Variants in ZCCHC2 observed in about 807,000 individuals in gnomAD.
ZCCHC2 encodes zinc finger CCHC domain-containing protein 2.
Under a neutral mutation model 103.6 loss-of-function variants are expected in ZCCHC2, and 39 were observed. That is an observed-to-expected ratio of 0.38 (90% CI 0.29 to 0.49). The LOEUF is 0.49. ZCCHC2 is among the 20% of genes least tolerant of loss of function. ZCCHC2 has a pLI of 0.96. For missense variants in ZCCHC2, 1,483 were observed against 1,491.0 expected (o/e 0.99, Z 0.09); for synonymous variants, 687 against 608.9 (o/e 1.13, Z -1.89).
chr18:62,542,344 CT>C (rs751599892), intron 2 of ZCCHC2, among the ~76,000 whole-genome samples, 153 bp from the exon 3 acceptor site: 3 of 150,928 alleles, frequency 2.0e-5, no homozygotes, highest in Non-Finnish European at 3.0e-5. Flanking sequence ...TTTTTGTCTT[CT>C]TTTTTTTTAT....
Position 62,524,133 on chromosome 18 carries a change from G to A in ZCCHC2, c.709G>A (p.Gly237Ser). 1 of 1,541,900 alleles carries A rather than the reference G, an allele frequency of 6.5e-7. No homozygotes were observed. The highest frequency in any genetic ancestry group is 8.7e-7 in the Non-Finnish European group (1 of 1,145,474). The change falls in exon 1 of 14, where the codon GGC becomes AGC. Residue 237 changes from glycine (G) to serine (S), a missense_variant. This residue lies in a region of ZCCHC2 where 568 missense variants were observed against 525.1 expected (regional missense o/e 1.08). Transcript: ENST00000269499. ...GCAGGACGCCGAGAAGGACGGCTCA[G>A]GCCCGGAAGGCGGCATTGTGGAGCC... Reference protein sequence around the residue: ...GEQDAEKDGSGPEGGIVEPRV... With the variant: ...GEQDAEKDGSSPEGGIVEPRV...
At position 62,574,796 on chromosome 18, in the gene ZCCHC2, T is replaced by TGGCTTCTCAGCTGCTCAGCCACC; in HGVS notation, c.2718_2719insTTCTCAGCTGCTCAGCCACCGGC (p.Leu907PhefsTer78). 1.2e-6 allele frequency: 2 copies of TGGCTTCTCAGCTGCTCAGCCACC among 1,614,000 alleles called. No individual in the cohort carries two copies. The highest frequency in any genetic ancestry group is 1.7e-6 in the Non-Finnish European group (2 of 1,179,890). On this transcript the variant is annotated frameshift_variant, in exon 13 of 14. Transcript: ENST00000269499. LOFTEE classifies it high-confidence loss of function. ...ATGTGAAGGTAGTTCTTCCAGCAGCTGGCCTCTCAGCTGCTCAGCCACCAG... is the reference window on the plus strand; with the variant it reads ...ATGTGAAGGTAGTTCTTCCAGCAGCTGGCTTCTCAGCTGCTCAGCCACCGGCCTCTCAGCTGCTCAGCCACCAG...
At chr18:62,524,679 T>C (rs1914273412) in intron 1 of ZCCHC2, 2 of 368,946 alleles carry the variant, frequency 5.4e-6, no homozygotes, top group Non-Finnish European at 9.7e-6. Context: ...GGAGGAAAAG[T>C]GTCGGGACGT....
At chr18:62,552,817 G>A (rs1814297039) in intron 5 of ZCCHC2, among the ~76,000 whole-genome samples, 1 of 151,382 alleles carries the variant, frequency 6.6e-6, no homozygotes, top group Non-Finnish European at 1.5e-5. Context: ...TTCAGCCCAG[G>A]AGCTTGAGGC....
rs749195533 is a variant in ZCCHC2, at chr18:62,574,771, A to G, written c.2690A>G (p.Asn897Ser). Residue 897 changes from asparagine to serine, a missense_variant, in exon 13 of 14, where the codon AAT (asparagine) becomes AGT (serine). Asn to Ser is a conservative substitution (Grantham distance 46, BLOSUM62 1). Around this residue, in one of 3 missense-constraint regions of ZCCHC2, gnomAD observed 884 missense variants for 907.5 expected, o/e 0.97. Coordinates refer to ENST00000269499, the MANE Select transcript of ZCCHC2 (RefSeq NM_017742.6). ...GNTGTVPQPT[N>S]VKVVLPAAGL... Reference sequence around the variant, plus strand: ...ACAGGGACAGTCCCTCAGCCTACCAATGTGAAGGTAGTTCTTCCAGCAGCT... The same window carrying G: ...ACAGGGACAGTCCCTCAGCCTACCAGTGTGAAGGTAGTTCTTCCAGCAGCT... 1.0e-4 allele frequency: 169 copies of G among 1,613,984 alleles called. No homozygotes were observed. The Admixed American group carries it at 2.3e-3, about 22-fold the overall frequency.
chr18:62,557,488 C>T (rs1293145418), intron 6 of ZCCHC2, among the ~76,000 whole-genome samples: 1 of 152,124 alleles, frequency 6.6e-6, no homozygotes, highest in Non-Finnish European at 1.5e-5. Context: ...TTAATGCTAA[C>T]GTAATTATCA....
chr18:62,527,860 A>G (rs1914504106), intron 1 of ZCCHC2, among the ~76,000 whole-genome samples: 1 of 152,250 alleles, frequency 6.6e-6, no homozygotes, highest in Admixed American at 6.5e-5. Flanking sequence ...ATGCCTATGT[A>G]TTTTAAAAGG....
chr18:62,543,466 T>A (rs1411605996), intron 3 of ZCCHC2, among the ~76,000 whole-genome samples: 1 of 152,178 alleles, frequency 6.6e-6, no homozygotes, highest in African/African-American at 2.4e-5. Flanking sequence ...ATCCTCAGTT[T>A]GCAGAATTTC....
intron 1 of ZCCHC2, among the ~76,000 whole-genome samples, chr18:62,535,231 C>A (rs1030042642): frequency 2.5e-4 from 38 of 152,218 alleles, no homozygotes; most frequent in African/African-American, 9.2e-4. Context: ...CCCCAGAACA[C>A]CCTGATGTGG....
At position 62,523,684 on chromosome 18, in the gene ZCCHC2, G is replaced by C. The variant is rs773598526; in HGVS notation, c.260G>C (p.Gly87Ala). 1.2e-3 allele frequency: 1,586 copies of C among 1,377,886 alleles called. 2 individuals carry two copies. Among genetic ancestry groups the C allele is most frequent in the Non-Finnish European group, 1.4e-3 (1,507 of 1,068,826 alleles). 85.4% of individuals were successfully genotyped at this position (1,377,886 alleles called of 1,614,324 possible). A position where few individuals can be genotyped will look rare whatever the true frequency, so the allele number is the denominator to read the frequency against. Residue 87 changes from glycine to alanine, a missense_variant, in exon 1 of 14, where the codon GGG (glycine) becomes GCG (alanine). This residue lies in a region of ZCCHC2 where 568 missense variants were observed against 525.1 expected (regional missense o/e 1.08). Coordinates refer to ENST00000269499, the MANE Select transcript of ZCCHC2 (RefSeq NM_017742.6). Reference protein sequence around the residue: ...AGAGMPGGGGGPSAALREQER... With the variant: ...AGAGMPGGGGAPSAALREQER... ...GCGGGTATGCCGGGCGGCGGCGGGG[G>C]GCCCTCGGCGGCGCTGCGCGAGCAG...
chr18:62,564,937 A>G, intron 10 of ZCCHC2, 65 bp from the exon 11 acceptor site: 1 of 1,171,406 alleles, frequency 8.5e-7, no homozygotes, highest in Non-Finnish European at 1.3e-6. Context: ...TTTTATCAAT[A>G]CTGTACTGAA....
downstream of ZCCHC2, among the ~76,000 whole-genome samples, chr18:62,583,336 G>A (rs923666926): frequency 4.5e-5 from 1 of 22,160 alleles, no homozygotes; most frequent in African/African-American, 6.0e-4. Context: ...CAGACATGCC[G>A]AGTCATAACG....
chr18:62,535,450 A>G (rs1202279779), intron 1 of ZCCHC2, among the ~76,000 whole-genome samples: 2 of 152,200 alleles, frequency 1.3e-5, no homozygotes, highest in Admixed American at 6.5e-5. Flanking sequence ...AACAATGACC[A>G]TTTTATTACC....
chr18:62,528,847 A>T (rs1030628542), intron 1 of ZCCHC2, among the ~76,000 whole-genome samples: 1 of 152,054 alleles, frequency 6.6e-6, no homozygotes, highest in Non-Finnish European at 1.5e-5. Context: ...AATTTCAGTT[A>T]TTATAGCAGG....
intron 4 of ZCCHC2, among the ~76,000 whole-genome samples, chr18:62,546,087 T>G (rs768723684): frequency 6.6e-6 from 1 of 152,200 alleles, no homozygotes; most frequent in Non-Finnish European, 1.5e-5. Flanking sequence ...CACTCATTAG[T>G]GACCTGCCTT....
At chr18:62,546,934 A>G (rs1915439119) in intron 4 of ZCCHC2, among the ~76,000 whole-genome samples, 1 of 152,214 alleles carries the variant, frequency 6.6e-6, no homozygotes, top group Non-Finnish European at 1.5e-5. Context: ...ATAATCTGCA[A>G]CGTGTACTTC....
chr18:62,546,282 C>A (rs1255875737), intron 4 of ZCCHC2, among the ~76,000 whole-genome samples: 1 of 152,154 alleles, frequency 6.6e-6, no homozygotes, highest in Non-Finnish European at 1.5e-5. Flanking sequence ...GGGCAGGCTC[C>A]ATCTGCCAGG....
chr18:62,535,589 G>A (rs377530738), intron 1 of ZCCHC2, among the ~76,000 whole-genome samples: 1 of 152,274 alleles, frequency 6.6e-6, no homozygotes, highest in East Asian at 1.9e-4. Flanking sequence ...CTCTCTCCAC[G>A]TGGTCCATCA....
chr18:62,580,577 G>A (rs1917018390), downstream of ZCCHC2, among the ~76,000 whole-genome samples: 2 of 104,580 alleles, frequency 1.9e-5, no homozygotes, highest in Admixed American at 9.8e-5. Flanking sequence ...GGAAGGCCAG[G>A]TGGACCCCTC....
Sources: allele counts gnomAD v4.1 joint callset (sites outside exome capture counted in the v4.1 genomes callset), GRCh38; gene constraint gnomAD v4.1.1; regional missense constraint gnomAD v4.1.1; transcripts MANE v1.5; gene names NCBI Gene and HGNC (gene_info 2026-07-23, HGNC 2026-07-21).